Variants in CPS1 observed in about 807,000 individuals in gnomAD.
CPS1 encodes the protein carbamoyl-phosphate synthase 1, also known as carbamoyl-phosphate synthase [ammonia], mitochondrial.
A neutral mutation model predicts 174.6 loss-of-function variants in CPS1; 109 were observed. That is an observed-to-expected ratio of 0.62 (90% confidence interval 0.53 to 0.73). The LOEUF is 0.73. Ranked by LOEUF, CPS1 falls within the 30% of genes least tolerant of loss-of-function variation. The pLI, the probability that CPS1 is intolerant of heterozygous loss-of-function variation, is 0.00. For synonymous variants in CPS1, 637 were observed against 632.0 expected (o/e 1.01, Z -0.12); for missense variants, 1,689 against 1,821.9 (o/e 0.93, Z 1.33).
At chr2:210,591,442 G>A (rs1698293205) in intron 9 of CPS1, among the ~76,000 whole-genome samples, 2 of 151,902 alleles carry the variant, frequency 1.3e-5, no homozygotes, top group Non-Finnish European at 2.9e-5. Flanking sequence ...ATTCAGGTCT[G>A]AGCAGTCATC....
Position 210,579,737 on chromosome 2 carries a change from C to T in CPS1, c.495C>T (p.Asp165=), listed in dbSNP as rs1466579642. 6.2e-7 allele frequency: 1 copy of T among 1,613,178 alleles called. No homozygotes were observed. The highest frequency in any genetic ancestry group is 8.5e-7 in the Non-Finnish European group (1 of 1,179,682). Residue 165 remains aspartate, a synonymous_variant, in exon 5 of 38, where the codon GAC becomes GAT. Transcript: ENST00000233072. The part of the protein sequence containing the change: ...EEKVPAIYGV[D]TRMLTKIIRD... Reference sequence around the variant, plus strand: ...AGGTTCCTGCAATTTATGGAGTGGACACAAGAATGCTGACTAAAATAATTC... The same window carrying T: ...AGGTTCCTGCAATTTATGGAGTGGATACAAGAATGCTGACTAAAATAATTC...
chr2:210,592,981 T>C (rs757854317), intron 11 of CPS1, 25 bp downstream of exon 11: 1 of 1,593,532 alleles, frequency 6.3e-7, no homozygotes, highest in Non-Finnish European at 8.6e-7. Flanking sequence ...TGAGGCCTAT[T>C]ATGTATGCAA....
Position 210,640,352 on chromosome 2 carries a change from G to C in CPS1, c.2959+293G>C, listed in dbSNP as rs992570851. On this transcript the variant is annotated intron_variant, in intron 24 of 37. Coordinates refer to ENST00000233072, the MANE Select transcript of CPS1 (RefSeq NM_001875.5). ...GAGCCTTTCACTGGAGTTGGGAATGGATTAGATTTTGACCTGTTATCTTCT... is the reference window on the plus strand; with the variant it reads ...GAGCCTTTCACTGGAGTTGGGAATGCATTAGATTTTGACCTGTTATCTTCT... Among the ~76,000 whole-genome samples, 13 of 152,120 alleles carry C rather than the reference G, an allele frequency of 8.5e-5. 1 individual carries two copies.
chr2:210,558,409 G>A (rs1212342803), intron 1 of CPS1, among the ~76,000 whole-genome samples: 4 of 151,946 alleles, frequency 2.6e-5, no homozygotes, highest in Non-Finnish European at 5.9e-5. Flanking sequence ...AATGGGAAAG[G>A]AGAATATTCT....
At chr2:210,515,812 CTAGCTTTTTGAGGTGGGTATTTAGTGCTA>C (rs1372445259) in intron 1 of CPS1, among the ~76,000 whole-genome samples, 1 of 151,716 alleles carries the variant, frequency 6.6e-6, no homozygotes, top group Non-Finnish European at 1.5e-5. Flanking sequence ...TGAGATCTTT[CTAGCTTTTTGAGGTGGGTATTTAGTGCTA>C]TAATCTTTTG....
chr2:210,649,099 A>G (rs1169910599), intron 27 of CPS1, among the ~76,000 whole-genome samples: 2 of 152,230 alleles, frequency 1.3e-5, no homozygotes, highest in Non-Finnish European at 2.9e-5. Flanking sequence ...TACCACATGT[A>G]AGGAACAACT....
chr2:210,569,569 T>C (rs1007315144), intron 1 of CPS1, among the ~76,000 whole-genome samples: 1 of 152,042 alleles, frequency 6.6e-6, no homozygotes, highest in Non-Finnish European at 1.5e-5. Flanking sequence ...TTGTAATCCA[T>C]TCCCTTATCT....
At chr2:210,512,114 C>T (rs1433760281) in intron 1 of CPS1, among the ~76,000 whole-genome samples, 1 of 152,074 alleles carries the variant, frequency 6.6e-6, no homozygotes, top group Non-Finnish European at 1.5e-5. Flanking sequence ...CAGAGAATGA[C>T]AAAACCAGCT....
Position 210,606,719 on chromosome 2 carries a change from T to C in CPS1, c.1982-12T>C. The C allele has an allele frequency of 6.2e-7, 1 of 1,611,862 alleles. No homozygotes were observed. The highest frequency in any genetic ancestry group is 8.5e-7 in the Non-Finnish European group (1 of 1,178,510). The stretch of plus-strand genomic sequence containing the variant: ...TATGCCACCAAGTAATGAGTGCTTC[T>C]TGGATATATAGGTGACTCAGTTGTT... On this transcript the variant is annotated splice_polypyrimidine_tract_variant and intron_variant, in intron 17 of 37. Transcript: ENST00000233072.
intron 6 of CPS1, 56 bp from the exon 7 acceptor site, chr2:210,588,002 G>T: frequency 7.1e-7 from 1 of 1,416,984 alleles, no homozygotes; most frequent in South Asian, 1.1e-5. Flanking sequence ...TTATGATTTT[G>T]GTCTGTTGCC....
intron 1 of CPS1, among the ~76,000 whole-genome samples, chr2:210,487,318 T>A (rs1266827315): frequency 6.6e-6 from 1 of 152,188 alleles, no homozygotes; most frequent in Non-Finnish European, 1.5e-5. Context: ...CATTTAGATA[T>A]TCAGTTGGAG....
intron 21 of CPS1, among the ~76,000 whole-genome samples, chr2:210,633,502 AAAAG>A (rs1699935624): frequency 6.6e-6 from 1 of 152,184 alleles, no homozygotes. Context: ...CTTGTGGTGA[AAAAG>A]AACAAGAGAA....
chr2:210,483,675 C>G (rs1441137884), intron 1 of CPS1, among the ~76,000 whole-genome samples: 3 of 152,212 alleles, frequency 2.0e-5, no homozygotes, highest in Non-Finnish European at 4.4e-5. Context: ...AATTTACTCT[C>G]TCTGCACCAA....
At chr2:210,632,146 T>G (rs2105888726) in intron 21 of CPS1, among the ~76,000 whole-genome samples, 1 of 152,326 alleles carries the variant, frequency 6.6e-6, no homozygotes. Flanking sequence ...ATAAAAATGT[T>G]ATAGCCTTGT....
At position 210,675,837 on chromosome 2, in the gene CPS1, GA is replaced by G; in HGVS notation, c.4274del (p.Lys1425AsnfsTer2). On this transcript the variant is annotated frameshift_variant and splice_region_variant, in exon 36 of 38. Transcript: ENST00000233072. LOFTEE classifies it high-confidence loss of function. ...EGQNPSLSSIRKLIRDGSIDL... is the reference protein window; with the variant it reads ...EGQNPSLSSIXKLIRDGSIDL... ...CAGAATCCCAGCCTCTCTTCCATCA[GA>G]AAGTAAGAACTAGGCATACTGTTTT... 1 of 1,409,830 alleles carries G rather than the reference GA, an allele frequency of 7.1e-7. No individual in the cohort carries two copies. Among genetic ancestry groups the G allele is most frequent in the Non-Finnish European group, 1.0e-6 (1 of 993,860 alleles). 87.3% of individuals were successfully genotyped at this position (1,409,830 alleles called of 1,614,324 possible).
chr2:210,650,358 T>C lies in CPS1; in HGVS notation c.3405-5T>C, dbSNP rs931734043. The C allele has an allele frequency of 6.2e-7, 1 of 1,613,022 alleles. No homozygotes were observed. Among genetic ancestry groups the C allele is most frequent in the Non-Finnish European group, 8.5e-7 (1 of 1,179,116 alleles). ...GACCTGCTTTTTTTCCCCTTCCTTT[T>C]CCAGTGGGTCTGCTATGAATGTGGT... On this transcript the variant is annotated splice_polypyrimidine_tract_variant and splice_region_variant and intron_variant, in intron 27 of 37. Transcript: ENST00000233072.
chr2:210,575,187 G>T (rs1373482009), intron 2 of CPS1, among the ~76,000 whole-genome samples: 1 of 152,030 alleles, frequency 6.6e-6, no homozygotes, highest in Non-Finnish European at 1.5e-5. Flanking sequence ...TTGTTGACAA[G>T]GTTAGTTCTG....
chr2:210,554,216 T>TAC (rs1390125486), upstream of CPS1, among the ~76,000 whole-genome samples: 484 of 122,846 alleles, frequency 3.9e-3, 36 homozygotes, highest in African/African-American at 0.013. Flanking sequence ...TGTATATATA[T>TAC]ACACACACAT....
intron 21 of CPS1, among the ~76,000 whole-genome samples, chr2:210,634,335 C>A (rs1038828167): frequency 6.6e-6 from 1 of 152,162 alleles, no homozygotes; most frequent in Non-Finnish European, 1.5e-5. Context: ...GAGGCTGAGG[C>A]AGCAGAATGG....
Sources: gnomAD v4.1 joint callset for allele counts (sites outside exome capture counted in the v4.1 genomes callset) on GRCh38, gnomAD v4.1.1 for gene constraint, MANE v1.5 for transcripts, NCBI Gene and HGNC (gene_info 2026-07-23, HGNC 2026-07-21) for gene names.